The following SPEF2 variants were observed in gnomAD, a reference collection of about 807,000 sequenced individuals.
SPEF2 encodes the protein sperm flagellar and cilia associated 2.
A neutral mutation model predicts 224.6 loss-of-function variants in SPEF2; 187 were observed. The observed-to-expected ratio is 0.83, with a 90% CI of 0.74 to 0.94. The LOEUF (loss-of-function observed/expected upper bound fraction) is 0.94. SPEF2 is among the 40% of genes least tolerant of loss of function. The pLI is 0.00. For missense variants in SPEF2, 2,170 were observed against 2,135.6 expected, an observed-to-expected ratio of 1.02 and a Z score of -0.32; for synonymous variants, 715 against 707.3, an observed-to-expected ratio of 1.01 and a Z score of -0.17.
At chr5:35,650,627 C>T (rs546515289) in intron 6 of SPEF2, among the ~76,000 whole-genome samples, 1 of 152,314 alleles carries the variant, frequency 6.6e-6, no homozygotes, top group South Asian at 2.1e-4. Flanking sequence ...TCAATTTCCA[C>T]ACAGTTTAGC....
At chr5:35,690,666 A>C (rs529748032) in intron 10 of SPEF2, among the ~76,000 whole-genome samples, 9 of 152,174 alleles carry the variant, frequency 5.9e-5, no homozygotes, top group Admixed American at 2.0e-4. Context: ...TTACTTTAAA[A>C]TATTATAAAA....
At chr5:35,645,245 A>G (rs1747196149) in intron 4 of SPEF2, among the ~76,000 whole-genome samples, 1 of 152,198 alleles carries the variant, frequency 6.6e-6, no homozygotes, top group African/African-American at 2.4e-5. Flanking sequence ...CACTTTTTAA[A>G]TTCATGGATT....
chr5:35,802,862 A>G (rs1280438416), intron 34 of SPEF2, among the ~76,000 whole-genome samples: 2 of 152,094 alleles, frequency 1.3e-5, no homozygotes, highest in Non-Finnish European at 2.9e-5. Context: ...GCAGGATGAG[A>G]AGTCATTGGA....
chr5:35,644,257 A>T, intron 3 of SPEF2, 98 bp from the exon 4 acceptor site: 1 of 1,089,298 alleles, frequency 9.2e-7, no homozygotes. Flanking sequence ...ATAGTAATTT[A>T]AAGAATTTCA....
At chr5:35,807,085 A>G in intron 35 of SPEF2, 46 bp from the exon 36 acceptor site, 1 of 1,586,464 alleles carries the variant, frequency 6.3e-7, no homozygotes, top group Non-Finnish European at 8.5e-7. Context: ...TTTAACATCT[A>G]CTGGATTGTG....
At chr5:35,709,443 G>A (rs1740662677) in intron 19 of SPEF2, 2 of 1,072,370 alleles carry the variant, frequency 1.9e-6, no homozygotes, top group Admixed American at 5.0e-5. Context: ...ACACGTCTGT[G>A]TGCTGAACTA....
chr5:35,655,133 G>A (rs4703423), intron 7 of SPEF2, among the ~76,000 whole-genome samples: 92,160 of 152,016 alleles, frequency 0.61, 28,664 homozygotes, highest in East Asian at 0.74. Context: ...CCTTTTGTTC[G>A]CCAGTCTATT....
chr5:35,802,212 A>G (rs1757516628), intron 34 of SPEF2, among the ~76,000 whole-genome samples: 1 of 152,084 alleles, frequency 6.6e-6, no homozygotes, highest in Admixed American at 6.5e-5. Flanking sequence ...ATCTCATCTC[A>G]AAGGATCCGA....
At position 35,641,442 on chromosome 5, in the gene SPEF2, C is replaced by T; in HGVS notation, c.173C>T (p.Ala58Val). Residue 58 changes from alanine (A) to valine (V), a missense_variant, in exon 3 of 37, where the codon GCC becomes GTC. Physicochemically the swap from Ala to Val is moderately conservative, Grantham distance 64. Coordinates refer to ENST00000356031, the MANE Select transcript of SPEF2 (RefSeq NM_024867.4). ...SEFLDSRVSS[A>V]KLNNFSRLEP... is the part of the protein sequence containing the mutation. ...ATTTTACTGTCCAGGGTTTCAAGTG[C>T]CAAACTTAATAATTTTTCTCGCTTG... The T allele has an allele frequency of 6.2e-7, 1 of 1,612,436 alleles. No homozygotes were observed. The highest frequency in any genetic ancestry group is 8.5e-7 in the Non-Finnish European group (1 of 1,179,274).
At position 35,670,245 on chromosome 5, in the gene SPEF2, A is replaced by G. The variant is rs950458261; in HGVS notation, c.1524+18A>G. ...AATATAAGGTACCTACTGATATGAAATAATTAGAATGCTACATAATAAATC... is the reference window on the plus strand; with the variant it reads ...AATATAAGGTACCTACTGATATGAAGTAATTAGAATGCTACATAATAAATC... On this transcript the variant is annotated intron_variant, in intron 10 of 36. Transcript: ENST00000356031. 15 of 1,573,610 alleles carry G rather than the reference A, an allele frequency of 9.5e-6. No homozygotes were observed. The Middle Eastern group carries it at 1.5e-3, about 160-fold the overall frequency.
At chr5:35,706,311 A>C (rs1414613189) in intron 18 of SPEF2, among the ~76,000 whole-genome samples, 2 of 151,744 alleles carry the variant, frequency 1.3e-5, no homozygotes, top group Non-Finnish European at 2.9e-5. Flanking sequence ...TTTATTTATT[A>C]TTATTAAATT....
chr5:35,719,075 C>T (rs995399450), intron 20 of SPEF2, among the ~76,000 whole-genome samples: 8 of 152,282 alleles, frequency 5.3e-5, no homozygotes, highest in South Asian at 4.1e-4. Flanking sequence ...AGGAAACCTC[C>T]GAGTCATGGG....
chr5:35,798,634 T>A (rs1324878878), intron 33 of SPEF2, among the ~76,000 whole-genome samples: 1 of 152,146 alleles, frequency 6.6e-6, no homozygotes, highest in African/African-American at 2.4e-5. Context: ...CTTCTTTTTT[T>A]TCAGGCTGGA....
intron 30 of SPEF2, among the ~76,000 whole-genome samples, chr5:35,786,585 A>G (rs1265565542): frequency 1.3e-5 from 2 of 152,146 alleles, no homozygotes; most frequent in African/African-American, 4.8e-5. Flanking sequence ...GCTTGAACCC[A>G]GGAGGCGGAA....
At chr5:35,735,730 T>G (rs558217123) in intron 21 of SPEF2, among the ~76,000 whole-genome samples, 109 of 152,348 alleles carry the variant, frequency 7.2e-4, no homozygotes, top group Middle Eastern at 3.4e-3. Context: ...CTTTATTCAT[T>G]TAGATTATTT....
At chr5:35,637,108 G>GT (rs1745946034) in intron 2 of SPEF2, among the ~76,000 whole-genome samples, 3 of 152,038 alleles carry the variant, frequency 2.0e-5, no homozygotes. Flanking sequence ...TGCCATGGTT[G>GT]TAAGTCTGCT....
chr5:35,664,536 C>T (rs1351513577), intron 8 of SPEF2, among the ~76,000 whole-genome samples: 3 of 151,962 alleles, frequency 2.0e-5, no homozygotes, highest in Admixed American at 1.3e-4. Flanking sequence ...AAAAATTAGC[C>T]AGGTGTGATG....
At chr5:35,741,877 C>T (rs1424036003) in intron 23 of SPEF2, among the ~76,000 whole-genome samples, 1 of 152,146 alleles carries the variant, frequency 6.6e-6, no homozygotes, top group Non-Finnish European at 1.5e-5. Context: ...TATACTTCTT[C>T]CTCCATGTTA....
chr5:35,800,926 G>C (rs1757335688), intron 34 of SPEF2, among the ~76,000 whole-genome samples: 1 of 152,180 alleles, frequency 6.6e-6, no homozygotes, highest in Admixed American at 6.5e-5. Context: ...TGTTAAAGTA[G>C]AATAGTCTGA....
Sources: allele counts gnomAD v4.1 joint callset (sites outside exome capture counted in the v4.1 genomes callset), GRCh38; gene constraint gnomAD v4.1.1; transcripts MANE v1.5; gene names NCBI Gene and HGNC (gene_info 2026-07-23, HGNC 2026-07-21).